DPP6: variants seen among roughly 807,000 people sequenced by gnomAD.
DPP6 encodes A-type potassium channel modulatory protein DPP6.
Under a neutral mutation model 122.6 loss-of-function variants are expected in DPP6, and 69 were observed. That is an observed-to-expected ratio of 0.56 (90% CI 0.46 to 0.69). The LOEUF (loss-of-function observed/expected upper bound fraction) is 0.69. Ranked by LOEUF, DPP6 falls within the 30% of genes least tolerant of loss-of-function variation. The pLI is 0.00. For missense variants in DPP6, 928 were observed against 1,116.9 expected, an observed-to-expected ratio of 0.83 and a Z score of 2.41; for synonymous variants, 418 against 433.1, an observed-to-expected ratio of 0.97 and a Z score of 0.43.
At chr7:154,351,531 C>A (rs1294912417) in intron 1 of DPP6, among the ~76,000 whole-genome samples, 1 of 151,986 alleles carries the variant, frequency 6.6e-6, no homozygotes. Flanking sequence ...TCAGCACCCC[C>A]ACCTGCACCT....
At chr7:154,548,239 G>A (rs1829356436) in intron 4 of DPP6, among the ~76,000 whole-genome samples, 2 of 150,896 alleles carry the variant, frequency 1.3e-5, no homozygotes, top group South Asian at 4.2e-4. Flanking sequence ...AATAAGTACA[G>A]TAGATGAGTA....
rs1830214262 is a variant in DPP6, at chr7:154,558,727, T to G, written c.553-8115T>G. 3.9e-5 allele frequency among the ~76,000 whole-genome samples: 6 copies of G among 152,364 alleles called. 1 individual carries two copies. In the South Asian group the frequency reaches 1.2e-3, roughly 32 times the overall value. On this transcript the variant is annotated intron_variant, in intron 4 of 25. Transcript: ENST00000377770. ...GTAGGCTGTACCATCTAGGTTCGTG[T>G]AGGTACTTTCTGTGATGTTTGCACA...
chr7:154,073,339 G>T (rs887127731), intron 1 of DPP6, among the ~76,000 whole-genome samples: 1 of 152,062 alleles, frequency 6.6e-6, no homozygotes, highest in African/African-American at 2.4e-5. Context: ...CTCCTGGTCC[G>T]CCTTCTTCTC....
intron 17 of DPP6, among the ~76,000 whole-genome samples, chr7:154,859,077 C>G (rs1445499226): frequency 6.6e-6 from 1 of 152,226 alleles, no homozygotes; most frequent in Non-Finnish European, 1.5e-5. Context: ...GACCCCAAGA[C>G]CCAGGATCTC....
intron 1 of DPP6, among the ~76,000 whole-genome samples, chr7:154,225,399 C>A (rs535236337): frequency 9.7e-4 from 148 of 152,118 alleles, no homozygotes; most frequent in African/African-American, 3.4e-3. Flanking sequence ...TGATTTTGAG[C>A]AAATCATGTT....
chr7:154,652,702 A>G (rs938516651), intron 6 of DPP6, among the ~76,000 whole-genome samples: 2 of 152,072 alleles, frequency 1.3e-5, no homozygotes, highest in Non-Finnish European at 1.5e-5. Flanking sequence ...GAGGCGTCAG[A>G]GTGCAGCTCA....
chr7:154,349,062 G>A (rs777443830), intron 1 of DPP6, among the ~76,000 whole-genome samples: 1 of 152,202 alleles, frequency 6.6e-6, no homozygotes, highest in Admixed American at 6.5e-5. Context: ...GCACAGAGGG[G>A]TCCACAGCTG....
chr7:154,090,248 G>T (rs1289066094), intron 1 of DPP6, among the ~76,000 whole-genome samples: 11 of 152,058 alleles, frequency 7.2e-5, no homozygotes, highest in African/African-American at 2.7e-4. Context: ...TGGGGAGGGG[G>T]TTTCTGCTCT....
At chr7:154,831,414 G>GA (rs895031260) in intron 16 of DPP6, among the ~76,000 whole-genome samples, 26 of 151,852 alleles carry the variant, frequency 1.7e-4, no homozygotes, top group African/African-American at 3.1e-4. Context: ...TTAAAAAGGG[G>GA]AAAAAAAACT....
chr7:154,628,376 C>T (rs563829050), intron 5 of DPP6, among the ~76,000 whole-genome samples: 10 of 152,316 alleles, frequency 6.6e-5, no homozygotes, highest in African/African-American at 2.2e-4. Context: ...CCCTCTCCCC[C>T]GGGTCGTCTC....
intron 1 of DPP6, among the ~76,000 whole-genome samples, chr7:154,208,956 T>G (rs777671508): frequency 6.2e-4 from 94 of 152,170 alleles, no homozygotes; most frequent in Admixed American, 1.3e-4. Flanking sequence ...AAGAAACACA[T>G]GCACATGGAC....
intron 1 of DPP6, among the ~76,000 whole-genome samples, chr7:153,917,784 C>T (rs932957641): frequency 2.6e-5 from 4 of 152,106 alleles, no homozygotes; most frequent in Non-Finnish European, 5.9e-5. Context: ...TTTCGTATTT[C>T]CATTATTTCA....
At chr7:154,363,198 G>T (rs1389734939) in intron 1 of DPP6, among the ~76,000 whole-genome samples, 1 of 152,186 alleles carries the variant, frequency 6.6e-6, no homozygotes, top group Non-Finnish European at 1.5e-5. Context: ...GCCCTCCTGA[G>T]GGTTGGCCAT....
Position 154,507,463 on chromosome 7 carries a change from A to G in DPP6, c.457+32426A>G, listed in dbSNP as rs1436656447. 3.3e-5 allele frequency among the ~76,000 whole-genome samples: 5 copies of G among 152,274 alleles called. No homozygotes were observed. In the East Asian group the frequency reaches 9.7e-4, roughly 29 times the overall value. Reference sequence around the variant, plus strand: ...GCTCCCCGCCCTGATATGCCCCAGTAAGAAACCATAATAAGTTTTAAGTCA... The same window carrying G: ...GCTCCCCGCCCTGATATGCCCCAGTGAGAAACCATAATAAGTTTTAAGTCA... On this transcript the variant is annotated intron_variant, in intron 3 of 25. Coordinates refer to ENST00000377770, the MANE Select transcript of DPP6 (RefSeq NM_130797.4).
At chr7:154,250,146 C>A (rs1268267918) in intron 1 of DPP6, among the ~76,000 whole-genome samples, 1 of 152,118 alleles carries the variant, frequency 6.6e-6, no homozygotes, top group Non-Finnish European at 1.5e-5. Flanking sequence ...CAAGCGGACT[C>A]CCTTAGAGTT....
the DPP6 span, among the ~76,000 whole-genome samples, chr7:153,823,867 G>A: frequency 6.6e-6 from 1 of 151,984 alleles, no homozygotes; most frequent in Non-Finnish European, 1.5e-5. Context: ...GACAATAGGG[G>A]GATTTTCGGA....
At chr7:154,425,630 GTGTGTGTGTGTGTGT>G in intron 1 of DPP6, among the ~76,000 whole-genome samples, 1 of 133,402 alleles carries the variant, frequency 7.5e-6, no homozygotes, top group Middle Eastern at 3.8e-3. Flanking sequence ...GGGTGTGTGT[GTGTGTGTGTGTGTGT>G]GTGTGTGTGT....
At chr7:154,339,304 T>C (rs1023551615) in intron 1 of DPP6, among the ~76,000 whole-genome samples, 42 of 152,136 alleles carry the variant, frequency 2.8e-4, no homozygotes, top group Non-Finnish European at 3.5e-4. Context: ...CGTGGGGTGG[T>C]GGGACAGGGC....
At chr7:154,417,638 C>T (rs1338323139) in intron 1 of DPP6, among the ~76,000 whole-genome samples, 1 of 152,208 alleles carries the variant, frequency 6.6e-6, no homozygotes, top group Non-Finnish European at 1.5e-5. Context: ...AACATCTTCA[C>T]ACTCTCTCAA....
Sources: gnomAD v4.1 joint callset for allele counts (sites outside exome capture counted in the v4.1 genomes callset) on GRCh38, gnomAD v4.1.1 for gene constraint, MANE v1.5 for transcripts, NCBI Gene and HGNC (gene_info 2026-07-23, HGNC 2026-07-21) for gene names.